PTPRN2: variants seen among roughly 807,000 people sequenced by gnomAD.
PTPRN2 encodes protein tyrosine phosphatase receptor type N2.
PTPRN2 carries 74 observed loss-of-function variants against 118.8 expected under a neutral mutation model. The observed-to-expected ratio is 0.62, with a 90% confidence interval of 0.52 to 0.76. The LOEUF is 0.76. PTPRN2 is among the 30% of genes least tolerant of loss of function. The pLI is 0.00. For missense variants in PTPRN2, 1,481 were observed against 1,394.4 expected (o/e 1.06, Z -0.99); for synonymous variants, 641 against 608.0 (o/e 1.05, Z -0.80).
At position 158,434,080 on chromosome 7, in the gene PTPRN2, A is replaced by T. The variant is rs529425942; in HGVS notation, c.163+55655T>A. Among the ~76,000 whole-genome samples the T allele has an allele frequency of 1.7e-4, 26 of 152,288 alleles. No individual in the cohort carries two copies. In the South Asian group the frequency reaches 4.8e-3, roughly 28 times the overall value. On this transcript the variant is annotated intron_variant, in intron 2 of 22. Coordinates refer to ENST00000389418, the MANE Select transcript of PTPRN2 (RefSeq NM_002847.5). Reference sequence around the variant, plus strand: ...GATTTCAATCTTTAGCAATATGTTAAGATTTGTTTATCTGATCAAAACATT... The same window carrying T: ...GATTTCAATCTTTAGCAATATGTTATGATTTGTTTATCTGATCAAAACATT...
intron 1 of PTPRN2, among the ~76,000 whole-genome samples, chr7:158,531,069 C>T (rs887734069): frequency 2.0e-5 from 3 of 152,004 alleles, no homozygotes; most frequent in African/African-American, 7.3e-5. Context: ...CATGTGCACA[C>T]AAACAAAAAC....
intron 2 of PTPRN2, among the ~76,000 whole-genome samples, chr7:158,348,667 T>C (rs1807717602): frequency 6.6e-6 from 1 of 152,154 alleles, no homozygotes; most frequent in South Asian, 2.1e-4. Context: ...TTGTGAGGTA[T>C]GGTGATGGCC....
intron 21 of PTPRN2, 51 bp downstream of exon 21, chr7:157,568,851 G>A (rs756281977): frequency 1.1e-5 from 16 of 1,514,966 alleles, no homozygotes; most frequent in Middle Eastern, 1.7e-4. Flanking sequence ...TTGCCATAGC[G>A]ACGCCATCCC....
chr7:157,777,026 C>T (rs1803371758), intron 12 of PTPRN2, among the ~76,000 whole-genome samples: 1 of 141,094 alleles, frequency 7.1e-6, no homozygotes, highest in Admixed American at 7.2e-5. Context: ...CTTCCCTCTC[C>T]TCCTCCTCCC....
intron 11 of PTPRN2, among the ~76,000 whole-genome samples, chr7:158,020,410 G>T (rs762375453): frequency 1.3e-5 from 2 of 152,192 alleles, no homozygotes; most frequent in East Asian, 1.9e-4. Context: ...GTGATGCCTG[G>T]GCAGAGGCCA....
At chr7:157,707,262 C>T (rs56221677) in intron 12 of PTPRN2, among the ~76,000 whole-genome samples, 15,849 of 151,792 alleles carry the variant, frequency 0.1, 1,034 homozygotes, top group East Asian at 0.31. Flanking sequence ...ACACACACAC[C>T]ACACATACAC....
At chr7:158,131,016 A>G (rs1466603972) in intron 9 of PTPRN2, among the ~76,000 whole-genome samples, 1 of 150,300 alleles carries the variant, frequency 6.7e-6, no homozygotes, top group Non-Finnish European at 1.5e-5. Flanking sequence ...TACCTGACAT[A>G]CTCATATACA....
rs182033587 is a variant in PTPRN2, at chr7:157,780,250, C to T, written c.1789-97313G>A. Among the ~76,000 whole-genome samples the T allele has an allele frequency of 1.6e-3, 251 of 152,346 alleles. No individual in the cohort carries two copies. Among genetic ancestry groups the T allele is most frequent in the Non-Finnish European group, 3.3e-3 (222 of 68,032 alleles). Reference sequence around the variant, plus strand: ...TTCCTCAGAGCAAGGCATTTGCTCGCTCCCCTTGCTCCTTACACACGGCCT... The same window carrying T: ...TTCCTCAGAGCAAGGCATTTGCTCGTTCCCCTTGCTCCTTACACACGGCCT... On this transcript the variant is annotated intron_variant, in intron 12 of 22. Transcript: ENST00000389418. The surrounding 1 kb of genome is among the most constrained non-coding windows in gnomAD (Gnocchi z 4.5).
intron 1 of PTPRN2, among the ~76,000 whole-genome samples, chr7:158,575,596 C>G (rs1271234442): frequency 6.6e-6 from 1 of 152,140 alleles, no homozygotes; most frequent in African/African-American, 2.4e-5. Context: ...AAACTCTTGG[C>G]CTCAATCAGT....
At chr7:157,578,288 G>T in intron 17 of PTPRN2, 148 bp from the exon 18 acceptor site, 2 of 1,004,554 alleles carry the variant, frequency 2.0e-6, no homozygotes, top group South Asian at 2.0e-5. Flanking sequence ...CTCCGCAGCT[G>T]CCTGAGCATC....
At chr7:157,697,521 C>A (rs1347733111) in intron 12 of PTPRN2, among the ~76,000 whole-genome samples, 2 of 131,728 alleles carry the variant, frequency 1.5e-5, no homozygotes, top group Admixed American at 7.5e-5. Flanking sequence ...CACCATCTAC[C>A]CATGCATACT....
At chr7:157,970,641 C>CCA (rs1039928847) in intron 11 of PTPRN2, among the ~76,000 whole-genome samples, 8 of 150,234 alleles carry the variant, frequency 5.3e-5, no homozygotes, top group Non-Finnish European at 1.0e-4. Flanking sequence ...AGCGGACCCC[C>CCA]CCCCCCACAG....
intron 3 of PTPRN2, among the ~76,000 whole-genome samples, chr7:158,306,855 GTTTTTTTTTTT>G (rs61276074): frequency 1.1e-4 from 13 of 121,420 alleles, no homozygotes; most frequent in African/African-American, 4.1e-4. Flanking sequence ...GCTGTTTTTT[GTTTTTTTTTTT>G]TTTTTTTTTT....
At chr7:158,421,092 T>C (rs754531987) in intron 2 of PTPRN2, among the ~76,000 whole-genome samples, 13 of 152,210 alleles carry the variant, frequency 8.5e-5, no homozygotes, top group Non-Finnish European at 1.3e-4. Context: ...AGGATTCCCG[T>C]ACCCCATTAG....
Position 157,562,730 on chromosome 7 carries a change from C to G in PTPRN2, c.2902+6172G>C, listed in dbSNP as rs1799255894. Among the ~76,000 whole-genome samples the G allele has an allele frequency of 2.0e-5, 3 of 148,926 alleles. No homozygotes were observed. The South Asian group carries it at 6.4e-4, about 32-fold the overall frequency. ...CATGCTCCCGCGTCACCACACACAG[C>G]AGATCAGGACCACGTGCTCCCGCGT... On this transcript the variant is annotated intron_variant, in intron 21 of 22. Transcript: ENST00000389418.
chr7:158,279,874 AC>A (rs1389616101), intron 3 of PTPRN2, among the ~76,000 whole-genome samples: 1 of 152,080 alleles, frequency 6.6e-6, no homozygotes, highest in East Asian at 1.9e-4. Context: ...GGCTGCTAGC[AC>A]GTTATCACCT....
At chr7:158,143,018 C>A (rs917998597) in intron 6 of PTPRN2, among the ~76,000 whole-genome samples, 1 of 152,226 alleles carries the variant, frequency 6.6e-6, no homozygotes, top group Admixed American at 6.5e-5. Context: ...CGCAACCGAG[C>A]CACCGAGCCA....
intron 11 of PTPRN2, among the ~76,000 whole-genome samples, chr7:157,912,928 G>C (rs1410485952): frequency 6.6e-6 from 1 of 152,136 alleles, no homozygotes; most frequent in Non-Finnish European, 1.5e-5. Flanking sequence ...GGCAGGTGTT[G>C]GCTCTTTGTA....
intron 2 of PTPRN2, among the ~76,000 whole-genome samples, chr7:158,384,355 T>C (rs754047224): frequency 6.6e-6 from 1 of 152,186 alleles, no homozygotes; most frequent in Non-Finnish European, 1.5e-5. Context: ...AGCCGGGATG[T>C]GGGGACCGCG....
Sources: gnomAD v4.1 joint callset for allele counts (sites outside exome capture counted in the v4.1 genomes callset) on GRCh38, gnomAD v4.1.1 for gene constraint, Gnocchi (gnomAD v3.1) non-coding constraint, MANE v1.5 for transcripts, NCBI Gene and HGNC (gene_info 2026-07-23, HGNC 2026-07-21) for gene names.